The following KCNMA1 variants were observed in gnomAD, a reference collection of about 807,000 sequenced individuals.
KCNMA1 encodes the protein Calcium-activated potassium channel subunit alpha-1.
KCNMA1 carries 29 observed loss-of-function variants against 140.0 expected under a neutral mutation model. The observed-to-expected ratio is 0.21, with a 90% confidence interval of 0.15 to 0.28. KCNMA1 has a LOEUF of 0.28. Among genes scored for constraint, KCNMA1 ranks in the 10% least tolerant of loss-of-function variants. The pLI, the probability that KCNMA1 is intolerant of heterozygous loss-of-function variation, is 1.00. For missense variants in KCNMA1, 880 were observed against 1,602.2 expected, an observed-to-expected ratio of 0.55 and a Z score of 7.70; for synonymous variants, 612 against 611.9, an observed-to-expected ratio of 1.00 and a Z score of 0.00.
intron 1 of KCNMA1, among the ~76,000 whole-genome samples, chr10:77,421,855 G>A (rs1035359106): frequency 3.3e-5 from 5 of 152,158 alleles, no homozygotes; most frequent in African/African-American, 1.2e-4. Context: ...CTCACAAGGC[G>A]GTTCATAAAA....
At chr10:77,522,270 G>A (rs777881926) in intron 1 of KCNMA1, among the ~76,000 whole-genome samples, 18 of 152,136 alleles carry the variant, frequency 1.2e-4, no homozygotes, top group Non-Finnish European at 1.9e-4. Context: ...CCTTGGGGCA[G>A]AGTAGGGGAC....
intron 2 of KCNMA1, among the ~76,000 whole-genome samples, chr10:77,337,534 C>T (rs1033917301): frequency 1.2e-4 from 19 of 152,270 alleles, no homozygotes; most frequent in African/African-American, 3.6e-4. Flanking sequence ...GCAGGAGACT[C>T]GCTTGAGCCC....
intron 1 of KCNMA1, among the ~76,000 whole-genome samples, chr10:77,485,541 G>T (rs2098450553): frequency 6.6e-6 from 1 of 152,192 alleles, no homozygotes; most frequent in Admixed American, 6.5e-5. Context: ...TCCAAGACTT[G>T]CCCAGCACAA....
At chr10:77,322,673 G>T (rs1045626997) in intron 2 of KCNMA1, among the ~76,000 whole-genome samples, 1 of 152,186 alleles carries the variant, frequency 6.6e-6, no homozygotes, top group South Asian at 2.1e-4. Context: ...CTGGCTAAGA[G>T]TAGCCATGCT....
intron 3 of KCNMA1, among the ~76,000 whole-genome samples, chr10:77,244,855 A>G (rs1467418501): frequency 1.3e-5 from 2 of 152,176 alleles, no homozygotes; most frequent in Admixed American, 6.5e-5. Context: ...CCCTGAAGGC[A>G]TCTTCTCTTC....
chr10:77,375,165 C>A (rs12769127), intron 2 of KCNMA1, among the ~76,000 whole-genome samples: 3 of 152,004 alleles, frequency 2.0e-5, no homozygotes, highest in African/African-American at 7.2e-5. Context: ...TGGCGGGGGA[C>A]AGCTAGAGTC....
At chr10:77,429,810 G>C (rs899802100) in intron 1 of KCNMA1, among the ~76,000 whole-genome samples, 2 of 151,930 alleles carry the variant, frequency 1.3e-5, no homozygotes, top group African/African-American at 4.8e-5. Context: ...TATCATATAT[G>C]TATATATATG....
intron 7 of KCNMA1, among the ~76,000 whole-genome samples, chr10:77,111,745 G>A (rs1227398040): frequency 2.6e-5 from 4 of 152,144 alleles, no homozygotes; most frequent in East Asian, 1.9e-4. Flanking sequence ...AGAGCTAGAC[G>A]AGGCTCCTTC....
intron 19 of KCNMA1, among the ~76,000 whole-genome samples, chr10:76,988,917 C>T (rs2082010460): frequency 6.6e-6 from 1 of 152,142 alleles, no homozygotes; most frequent in Non-Finnish European, 1.5e-5. Flanking sequence ...CCCCGTTTGG[C>T]CCTATATGCT....
chr10:77,419,872 G>A (rs1366586779), intron 1 of KCNMA1, among the ~76,000 whole-genome samples: 1 of 152,142 alleles, frequency 6.6e-6, no homozygotes, highest in Non-Finnish European at 1.5e-5. Flanking sequence ...TGGTCCCAGT[G>A]GCCAAAGCAC....
chr10:77,495,420 A>C (rs1169802878), intron 1 of KCNMA1, among the ~76,000 whole-genome samples: 2 of 152,062 alleles, frequency 1.3e-5, no homozygotes, highest in Non-Finnish European at 2.9e-5. Flanking sequence ...CGGTCACGAC[A>C]CCTTCCTGGT....
intron 12 of KCNMA1, among the ~76,000 whole-genome samples, chr10:77,080,280 C>G (rs1350605830): frequency 6.6e-6 from 1 of 152,226 alleles, no homozygotes; most frequent in Non-Finnish European, 1.5e-5. Context: ...AATACGACAG[C>G]CTGCCCAGAG....
At chr10:76,997,699 C>A (rs921843745) in intron 19 of KCNMA1, among the ~76,000 whole-genome samples, 1 of 152,188 alleles carries the variant, frequency 6.6e-6, no homozygotes, top group Non-Finnish European at 1.5e-5. Context: ...GAATCTACTT[C>A]TATATTTATG....
intron 18 of KCNMA1, chr10:77,008,241 C>T (rs770307963): frequency 2.0e-6 from 3 of 1,507,056 alleles, no homozygotes; most frequent in Admixed American, 4.3e-5. Flanking sequence ...TCCAAGGCAG[C>T]AAAGAGAAAA....
At chr10:77,119,289 A>G (rs1422827344) in intron 6 of KCNMA1, among the ~76,000 whole-genome samples, 2 of 152,226 alleles carry the variant, frequency 1.3e-5, no homozygotes, top group Non-Finnish European at 2.9e-5. Flanking sequence ...AAAACGGTCC[A>G]GGGAGTAGAC....
chr10:77,628,792 A>G (rs1189116058), intron 1 of KCNMA1, among the ~76,000 whole-genome samples: 3 of 152,180 alleles, frequency 2.0e-5, no homozygotes, highest in African/African-American at 7.2e-5. Flanking sequence ...ATTCCTCCCT[A>G]TTGTGCTAGA....
chr10:77,073,724 T>G (rs1009442645), intron 13 of KCNMA1, among the ~76,000 whole-genome samples: 5 of 152,166 alleles, frequency 3.3e-5, no homozygotes, highest in Admixed American at 6.5e-5. Flanking sequence ...AAACACAGAT[T>G]GCTGGCCCCC....
chr10:77,411,555 G>A (rs1407521366), intron 1 of KCNMA1, among the ~76,000 whole-genome samples: 1 of 152,164 alleles, frequency 6.6e-6, no homozygotes, highest in Non-Finnish European at 1.5e-5. Context: ...TGCCAAAAAG[G>A]GACACGTACC....
chr10:76,880,971 A>G (rs2034414677), downstream of KCNMA1, among the ~76,000 whole-genome samples: 1 of 152,210 alleles, frequency 6.6e-6, no homozygotes, highest in Non-Finnish European at 1.5e-5. Context: ...GCCTGTTGTC[A>G]GTGCTCTGAG....
Sources: gnomAD v4.1 joint callset for allele counts (sites outside exome capture counted in the v4.1 genomes callset) on GRCh38, gnomAD v4.1.1 for gene constraint, MANE v1.5 for transcripts, NCBI Gene and HGNC (gene_info 2026-07-23, HGNC 2026-07-21) for gene names.